The following RELN variants were observed in gnomAD, a reference collection of about 807,000 sequenced individuals.
RELN encodes reelin.
Under a neutral mutation model 427.6 loss-of-function variants are expected in RELN, and 108 were observed. The ratio of observed to expected loss-of-function variants is 0.25; its 90% CI spans 0.22 to 0.30. The LOEUF (loss-of-function observed/expected upper bound fraction) is 0.30. RELN is among the 10% of genes least tolerant of loss of function. RELN has a pLI of 1.00. For missense variants in RELN, 3,715 were observed against 4,302.8 expected, an observed-to-expected ratio of 0.86 and a Z score of 3.82; for synonymous variants, 1,524 against 1,513.4, an observed-to-expected ratio of 1.01 and a Z score of -0.16.
chr7:103,670,251 CTG>C (rs1368086555), intron 11 of RELN, among the ~76,000 whole-genome samples: 3 of 152,078 alleles, frequency 2.0e-5, no homozygotes, highest in Non-Finnish European at 4.4e-5. Flanking sequence ...ACTATCAAAA[CTG>C]AAATTATATA....
In RELN at chr7:103,572,202, G is replaced by C. The variant is rs777918108; in HGVS notation, c.4570C>G (p.Pro1524Ala). 7.6e-6 allele frequency: 12 copies of C among 1,584,002 alleles called. No individual in the cohort carries two copies. Among genetic ancestry groups the C allele is most frequent in the Non-Finnish European group, 1.0e-5 (12 of 1,152,670 alleles). The change falls in exon 31 of 65, where the codon CCA (proline) becomes GCA (alanine). Residue 1524 changes from proline (P) to alanine (A), a missense_variant. By Grantham distance (27) the Pro-to-Ala change is conservative. This residue lies in a region of RELN where 2,208 missense variants were observed against 2,361.7 expected (regional missense o/e 0.93). Transcript: ENST00000428762. Reference protein sequence around the residue: ...SKTSGITCIKPRTRNEGLIVQ... With the variant: ...SKTSGITCIKARTRNEGLIVQ... ...AGCTTACCTTCATTTCTAGTTCTTGGTTTGATGCAGGTAATGCCTGAAGTT... is the reference window on the plus strand; with the variant it reads ...AGCTTACCTTCATTTCTAGTTCTTGCTTTGATGCAGGTAATGCCTGAAGTT...
At chr7:103,522,228 T>A (rs1829724646) in intron 47 of RELN, 29 bp from the exon 48 acceptor site, 1 of 1,610,484 alleles carries the variant, frequency 6.2e-7, no homozygotes, top group African/African-American at 1.3e-5. Flanking sequence ...AGAGGAAAAG[T>A]CAACATCAGA....
In RELN at chr7:103,603,237, T is replaced by C; in HGVS notation, c.3333+67A>G. On this transcript the variant is annotated intron_variant, in intron 24 of 64. Coordinates refer to ENST00000428762, the MANE Select transcript of RELN (RefSeq NM_005045.4). This position sits in a 1 kb window ranked among gnomAD's most constrained non-coding sequence, Gnocchi z 4.3. ...ATAGAACCACTTCATATTTGTACAT[T>C]TGGAATTCAGAGTCTCATATTAAAC... is the stretch of plus-strand genomic sequence containing the variant. The C allele has an allele frequency of 1.6e-6, 2 of 1,274,620 alleles. No homozygotes were observed. Among genetic ancestry groups the C allele is most frequent in the Non-Finnish European group, 2.3e-6 (2 of 871,056 alleles). 79.0% of individuals were successfully genotyped at this position (1,274,620 alleles called of 1,614,324 possible).
chr7:103,638,590 A>G (rs1050353026), intron 17 of RELN, among the ~76,000 whole-genome samples: 1 of 152,228 alleles, frequency 6.6e-6, no homozygotes, highest in African/African-American at 2.4e-5. Context: ...TCAATAAGGT[A>G]CACATTGCTG....
At chr7:103,709,390 T>A (rs951424215) in intron 8 of RELN, among the ~76,000 whole-genome samples, 1 of 152,226 alleles carries the variant, frequency 6.6e-6, no homozygotes, top group East Asian at 1.9e-4. Context: ...GTTAAAGATA[T>A]GGCGACTGCT....
intron 2 of RELN, among the ~76,000 whole-genome samples, chr7:103,875,691 C>T (rs1794462087): frequency 6.6e-6 from 1 of 151,922 alleles, no homozygotes; most frequent in African/African-American, 2.4e-5. Flanking sequence ...ATACATAAGA[C>T]TTAGGGATTT....
At chr7:103,774,560 G>GCC (rs1417014279) in intron 4 of RELN, among the ~76,000 whole-genome samples, 4 of 152,076 alleles carry the variant, frequency 2.6e-5, no homozygotes, top group African/African-American at 9.7e-5. Context: ...GGTATATGGT[G>GCC]ACTGCAATTG....
At chr7:103,902,230 GTTC>G (rs1247803142) in intron 2 of RELN, among the ~76,000 whole-genome samples, 2 of 151,960 alleles carry the variant, frequency 1.3e-5, no homozygotes, top group East Asian at 3.9e-4. Context: ...TCCCAGTTAA[GTTC>G]TTCTCTTATT....
At chr7:103,568,076 C>A (rs1266881552) in intron 31 of RELN, among the ~76,000 whole-genome samples, 1 of 152,152 alleles carries the variant, frequency 6.6e-6, no homozygotes, top group African/African-American at 2.4e-5. Flanking sequence ...AGATTAAAGG[C>A]GTGAGCCATT....
Position 103,963,134 on chromosome 7 carries a change from C to CTTT in RELN, c.226+25994_226+25996dup, listed in dbSNP as rs61170235. Among the ~76,000 whole-genome samples, 479 of 139,318 alleles carry CTTT rather than the reference C, an allele frequency of 3.4e-3. 7 individuals are homozygous for CTTT. Among genetic ancestry groups the CTTT allele is most frequent in the African/African-American group, 0.012 (453 of 36,438 alleles). The allele number at this position is 139,318 out of a possible 152,430, so 91.4% of individuals were successfully genotyped here. ...TCTCTCTCTCTCCTCTTTTCGCCTT[C>CTTT]TTTTTTTTTTCTCATTGGCGCTTTC... On this transcript the variant is annotated intron_variant, in intron 1 of 64. Transcript: ENST00000428762.
At chr7:103,503,908 A>C (rs1053794953) in intron 51 of RELN, among the ~76,000 whole-genome samples, 20 of 151,606 alleles carry the variant, frequency 1.3e-4, no homozygotes, top group Admixed American at 2.0e-4. Context: ...AAAAAAAAAA[A>C]AAAAAAAAAA....
chr7:103,736,023 C>A (rs1584448074), intron 6 of RELN, among the ~76,000 whole-genome samples: 1 of 152,172 alleles, frequency 6.6e-6, no homozygotes. Context: ...TGTGTCTGCA[C>A]CCCCAGGTAC....
chr7:103,805,606 G>T (rs1311217980), intron 3 of RELN, among the ~76,000 whole-genome samples: 13 of 152,134 alleles, frequency 8.5e-5, no homozygotes, highest in African/African-American at 3.1e-4. Flanking sequence ...CTTCTAACTG[G>T]ATTGTAATCT....
intron 4 of RELN, among the ~76,000 whole-genome samples, chr7:103,764,829 C>T (rs1324731583): frequency 3.7e-5 from 5 of 136,278 alleles, no homozygotes; most frequent in Admixed American, 7.0e-5. Context: ...GAGTGAGACT[C>T]CTCTCAAAAA....
intron 3 of RELN, among the ~76,000 whole-genome samples, chr7:103,806,052 C>T (rs768390690): frequency 2.6e-5 from 4 of 152,180 alleles, no homozygotes; most frequent in Non-Finnish European, 4.4e-5. Flanking sequence ...GGAAAAAATG[C>T]TCTACGCATT....
chr7:103,978,140 C>G (rs1376348344), intron 1 of RELN, among the ~76,000 whole-genome samples: 1 of 152,138 alleles, frequency 6.6e-6, no homozygotes, highest in Non-Finnish European at 1.5e-5. Context: ...TTGTTATTAA[C>G]TAGTCACCAT....
intron 60 of RELN, among the ~76,000 whole-genome samples, chr7:103,487,591 A>G (rs1828489184): frequency 6.6e-6 from 1 of 152,204 alleles, no homozygotes; most frequent in Admixed American, 6.5e-5. Flanking sequence ...TAAAACACGT[A>G]GTGCTCATGT....
intron 1 of RELN, among the ~76,000 whole-genome samples, chr7:103,964,522 C>A (rs1202572034): frequency 6.6e-6 from 1 of 152,146 alleles, no homozygotes; most frequent in East Asian, 1.9e-4. Context: ...TCAGTTAGGG[C>A]ACAACTTACA....
Position 103,566,408 on chromosome 7 carries a change from C to A in RELN, c.4752G>T (p.Lys1584Asn). The change falls in exon 33 of 65, where the codon AAG (lysine) becomes AAT (asparagine). Residue 1584 changes from lysine (K) to asparagine (N), a missense_variant. Around this residue, in one of 4 missense-constraint regions of RELN, gnomAD observed 2,208 missense variants for 2,361.7 expected, o/e 0.93. Coordinates refer to ENST00000428762, the MANE Select transcript of RELN (RefSeq NM_005045.4). ...AFRWWQPQHGKHSAQWALDDV... is the reference protein window; with the variant it reads ...AFRWWQPQHGNHSAQWALDDV... ...CATCCAAAGCCCACTGGGCTGAATG[C>A]TTCCCTGCAATCAGATGAATAAAGG... The A allele has an allele frequency of 6.2e-7, 1 of 1,613,974 alleles. No individual in the cohort carries two copies. Among genetic ancestry groups the A allele is most frequent in the Non-Finnish European group, 8.5e-7 (1 of 1,179,870 alleles).
Sources: allele counts gnomAD v4.1 joint callset (sites outside exome capture counted in the v4.1 genomes callset), GRCh38; gene constraint gnomAD v4.1.1; regional missense constraint gnomAD v4.1.1; non-coding constraint Gnocchi (gnomAD v3.1); transcripts MANE v1.5; gene names NCBI Gene and HGNC (gene_info 2026-07-23, HGNC 2026-07-21).